The following DYNC1I1 variants were observed in gnomAD, a reference collection of about 807,000 sequenced individuals.
DYNC1I1 encodes the protein dynein cytoplasmic 1 intermediate chain 1, also known as cytoplasmic dynein 1 intermediate chain 1.
Under a neutral mutation model 86.6 loss-of-function variants are expected in DYNC1I1, and 43 were observed. That is an observed-to-expected ratio of 0.50 (90% CI 0.39 to 0.64). DYNC1I1 has a LOEUF of 0.64. Ranked by LOEUF, DYNC1I1 falls within the 30% of genes least tolerant of loss-of-function variation. The pLI is 0.00. For synonymous variants in DYNC1I1, 262 were observed against 283.7 expected (o/e 0.92, Z 0.77); for missense variants, 604 against 788.8 (o/e 0.77, Z 2.81).
intron 6 of DYNC1I1, among the ~76,000 whole-genome samples, chr7:95,889,989 G>A (rs990442183): frequency 6.6e-6 from 1 of 152,210 alleles, no homozygotes; most frequent in African/African-American, 2.4e-5. Context: ...CTTACACACT[G>A]TTGGTGGGAG....
At position 96,076,171 on chromosome 7, in the gene DYNC1I1, C is replaced by T. The variant is rs1790330727; in HGVS notation, c.1624C>T (p.Leu542Phe). 1.2e-6 allele frequency: 2 copies of T among 1,614,024 alleles called. No homozygotes were observed. Among genetic ancestry groups the T allele is most frequent in the Non-Finnish European group, 1.7e-6 (2 of 1,180,018 alleles). ...CGTGGACGGGATGGGGCGCTTGGAC[C>T]TCTGGAACCTCAACAATGACACCGA... ...ACVDGMGRLD[L>F]WNLNNDTEVP... Residue 542 changes from leucine (L) to phenylalanine (F), a missense_variant, in exon 15 of 17, where the codon CTC becomes TTC. Physicochemically the swap from Leu to Phe is conservative, Grantham distance 22. Coordinates refer to ENST00000447467, the MANE Select transcript of DYNC1I1 (RefSeq NM_001135556.2).
intron 6 of DYNC1I1, among the ~76,000 whole-genome samples, chr7:95,894,122 C>A (rs746256414): frequency 6.6e-6 from 1 of 151,750 alleles, no homozygotes; most frequent in Non-Finnish European, 1.5e-5. Context: ...TCCACCCATG[C>A]AAAGCATCCT....
At chr7:95,973,547 A>G (rs1173734649) in intron 6 of DYNC1I1, among the ~76,000 whole-genome samples, 1 of 152,132 alleles carries the variant, frequency 6.6e-6, no homozygotes, top group Non-Finnish European at 1.5e-5. Context: ...TTTTAGACCG[A>G]TCAAAAACAT....
intron 6 of DYNC1I1, among the ~76,000 whole-genome samples, chr7:95,879,978 A>G (rs1235327203): frequency 1.3e-5 from 2 of 152,222 alleles, no homozygotes; most frequent in African/African-American, 2.4e-5. Context: ...TTGCTCTGCC[A>G]TGTAGGAGCT....
chr7:96,027,573 G>C (rs1002088155), intron 10 of DYNC1I1, among the ~76,000 whole-genome samples: 3 of 152,104 alleles, frequency 2.0e-5, no homozygotes, highest in Non-Finnish European at 2.9e-5. Flanking sequence ...TTCTGAAGTG[G>C]GCAGAATTAA....
intron 10 of DYNC1I1, among the ~76,000 whole-genome samples, chr7:96,025,431 GA>G (rs1031884155): frequency 2.3e-4 from 34 of 145,914 alleles, no homozygotes; most frequent in African/African-American, 6.5e-4. Context: ...AACAGAAAAT[GA>G]AAAAAAAAAG....
intron 3 of DYNC1I1, 141 bp from the exon 4 acceptor site, chr7:95,813,106 T>TTTTG: frequency 7.1e-7 from 1 of 1,413,174 alleles, no homozygotes; most frequent in Non-Finnish European, 9.3e-7. Flanking sequence ...TTTTTTTTTT[T>TTTTG]TCTTTATCCC....
chr7:95,990,565 A>G (rs1793705284), intron 9 of DYNC1I1, among the ~76,000 whole-genome samples: 1 of 152,196 alleles, frequency 6.6e-6, no homozygotes, highest in South Asian at 2.1e-4. Flanking sequence ...AGGTTAAGTC[A>G]GTATAAGTAC....
chr7:95,974,951 A>C (rs972512375), intron 6 of DYNC1I1, among the ~76,000 whole-genome samples: 3 of 152,126 alleles, frequency 2.0e-5, no homozygotes, highest in Admixed American at 6.6e-5. Flanking sequence ...TCTATTTCAC[A>C]TCATGCTGTG....
intron 6 of DYNC1I1, among the ~76,000 whole-genome samples, chr7:95,922,206 T>A (rs776606597): frequency 2.0e-5 from 3 of 152,176 alleles, no homozygotes; most frequent in Non-Finnish European, 4.4e-5. Context: ...CTTTTCTTTT[T>A]TAATATTAGT....
downstream of DYNC1I1, among the ~76,000 whole-genome samples, chr7:96,101,749 AC>A (rs1791140380): frequency 6.6e-6 from 1 of 152,120 alleles, no homozygotes; most frequent in Non-Finnish European, 1.5e-5. Flanking sequence ...TACATCAGGT[AC>A]CTGGCCTCTG....
intron 9 of DYNC1I1, among the ~76,000 whole-genome samples, chr7:95,992,874 G>A (rs1341239650): frequency 1.3e-5 from 2 of 152,058 alleles, no homozygotes; most frequent in Non-Finnish European, 2.9e-5. Flanking sequence ...CTCAACCTCT[G>A]TGTTGGAGGC....
chr7:95,832,472 G>A (rs978101734), intron 5 of DYNC1I1, among the ~76,000 whole-genome samples: 3 of 151,766 alleles, frequency 2.0e-5, no homozygotes, highest in Admixed American at 1.3e-4. Context: ...ATAGTCCTTT[G>A]GATATATACC....
downstream of DYNC1I1, among the ~76,000 whole-genome samples, chr7:96,101,865 G>C (rs902429780): frequency 2.7e-4 from 41 of 152,186 alleles, no homozygotes; most frequent in African/African-American, 9.6e-4. Context: ...TACATCTCAG[G>C]GTAGAGCTAG....
At chr7:95,995,199 A>T (rs1562966458) in intron 9 of DYNC1I1, among the ~76,000 whole-genome samples, 1 of 152,058 alleles carries the variant, frequency 6.6e-6, no homozygotes, top group Non-Finnish European at 1.5e-5. Flanking sequence ...GTGAGCCAAG[A>T]TCAGGCCACT....
intron 5 of DYNC1I1, among the ~76,000 whole-genome samples, chr7:95,858,988 T>C (rs1435863310): frequency 6.8e-6 from 1 of 147,266 alleles, no homozygotes; most frequent in African/African-American, 2.5e-5. Flanking sequence ...GATATTAATG[T>C]ATTTATTATA....
chr7:95,861,090 C>CATTGAAA (rs1789864866), intron 5 of DYNC1I1, among the ~76,000 whole-genome samples: 3 of 152,046 alleles, frequency 2.0e-5, no homozygotes, highest in Admixed American at 2.0e-4. Context: ...GAAATGACCC[C>CATTGAAA]TTTTGGTTTC....
chr7:95,814,488 C>T (rs1794903398), intron 4 of DYNC1I1, among the ~76,000 whole-genome samples: 2 of 152,244 alleles, frequency 1.3e-5, no homozygotes, highest in African/African-American at 2.4e-5. Context: ...TTCTTGCCTC[C>T]GTATGTATTA....
chr7:95,987,252 C>T, intron 9 of DYNC1I1, 97 bp downstream of exon 9: 2 of 1,065,044 alleles, frequency 1.9e-6, no homozygotes, highest in Non-Finnish European at 1.4e-6. Context: ...ACGATTTCCT[C>T]TCTATGCCTG....
Sources: gnomAD v4.1 joint callset for allele counts (sites outside exome capture counted in the v4.1 genomes callset) on GRCh38, gnomAD v4.1.1 for gene constraint, MANE v1.5 for transcripts, NCBI Gene and HGNC (gene_info 2026-07-23, HGNC 2026-07-21) for gene names.